Variants in CEP112 observed in about 807,000 individuals in gnomAD.
CEP112 encodes centrosomal protein of 112 kDa.
CEP112 carries 127 observed loss-of-function variants against 153.0 expected under a neutral mutation model. The ratio of observed to expected loss-of-function variants is 0.83; its 90% CI spans 0.72 to 0.96. CEP112 has a LOEUF of 0.96. Among genes scored for constraint, CEP112 ranks in the 40% least tolerant of loss-of-function variants. CEP112 has a pLI of 0.00. For missense variants in CEP112, 1,089 were observed against 1,101.2 expected (o/e 0.99, Z 0.16); for synonymous variants, 358 against 374.4 (o/e 0.96, Z 0.51).
At chr17:66,069,297 AATC>A (rs1454179906) in intron 9 of CEP112, among the ~76,000 whole-genome samples, 3 of 152,048 alleles carry the variant, frequency 2.0e-5, no homozygotes, top group African/African-American at 7.2e-5. Flanking sequence ...TAAATGTTTT[AATC>A]ATTACTAAAA....
chr17:65,667,103 G>A (rs1455155088), intron 24 of CEP112, among the ~76,000 whole-genome samples: 1 of 152,210 alleles, frequency 6.6e-6, no homozygotes, highest in Non-Finnish European at 1.5e-5. Flanking sequence ...TCTCTGGGCT[G>A]TGGTGCTGGT....
chr17:65,753,916 G>A (rs1598474773), intron 21 of CEP112, among the ~76,000 whole-genome samples: 1 of 152,044 alleles, frequency 6.6e-6, no homozygotes, highest in East Asian at 1.9e-4. Context: ...TTTATGGCCA[G>A]CCCCCAAATC....
At chr17:65,653,036 A>G (rs1469048216) in intron 24 of CEP112, among the ~76,000 whole-genome samples, 1 of 152,086 alleles carries the variant, frequency 6.6e-6, no homozygotes, top group African/African-American at 2.4e-5. Flanking sequence ...TCCTCTTTTT[A>G]TAAAGACATT....
chr17:65,949,820 C>T (rs562143158), intron 18 of CEP112, among the ~76,000 whole-genome samples: 1 of 152,244 alleles, frequency 6.6e-6, no homozygotes, highest in South Asian at 2.1e-4. Context: ...CTCATTTTGT[C>T]TGGATAGGGT....
chr17:65,753,412 T>A (rs560568815), intron 21 of CEP112, among the ~76,000 whole-genome samples: 1 of 152,246 alleles, frequency 6.6e-6, no homozygotes, highest in South Asian at 2.1e-4. Context: ...CATAACCATT[T>A]TTTTACGGAC....
At chr17:66,006,760 T>C (rs961016771) in intron 16 of CEP112, among the ~76,000 whole-genome samples, 7 of 152,282 alleles carry the variant, frequency 4.6e-5, no homozygotes, top group Middle Eastern at 3.4e-3. Context: ...TGGCTCTACA[T>C]ACATGGCAAC....
chr17:65,739,717 CA>C (rs1221702399), intron 23 of CEP112, among the ~76,000 whole-genome samples: 2 of 151,592 alleles, frequency 1.3e-5, no homozygotes, highest in Non-Finnish European at 2.9e-5. Flanking sequence ...GCCTGGGCAA[CA>C]GAGCAAGACT....
chr17:66,148,673 T>C (rs144161568), intron 4 of CEP112, among the ~76,000 whole-genome samples: 5,185 of 152,294 alleles, frequency 0.034, 129 homozygotes, highest in Middle Eastern at 0.061. Context: ...TGTTAGCATA[T>C]AAAAATTTAA....
At chr17:65,809,834 G>C (rs1055566416) in intron 21 of CEP112, among the ~76,000 whole-genome samples, 6 of 151,668 alleles carry the variant, frequency 4.0e-5, no homozygotes, top group African/African-American at 1.5e-4. Context: ...AGATGAGTTA[G>C]GGACTGAGTA....
chr17:65,840,850 A>G (rs2057488775), intron 21 of CEP112, among the ~76,000 whole-genome samples: 1 of 152,134 alleles, frequency 6.6e-6, no homozygotes, highest in Non-Finnish European at 1.5e-5. Context: ...TGATCTGAAC[A>G]GACATTTTTC....
chr17:65,914,230 A>G (rs2060390431), intron 19 of CEP112, among the ~76,000 whole-genome samples: 1 of 150,668 alleles, frequency 6.6e-6, no homozygotes, highest in Non-Finnish European at 1.5e-5. Context: ...TCTACAACAC[A>G]TTCAGTTCTC....
chr17:65,775,398 A>G (rs2053619947), intron 21 of CEP112, among the ~76,000 whole-genome samples: 1 of 152,202 alleles, frequency 6.6e-6, no homozygotes. Context: ...ACGGCAGGAA[A>G]GCACAAGCAT....
chr17:65,751,986 CTAT>C (rs2051889488), intron 21 of CEP112, among the ~76,000 whole-genome samples: 2 of 144,482 alleles, frequency 1.4e-5, no homozygotes, highest in Admixed American at 1.4e-4. Flanking sequence ...ATCTATCTAT[CTAT>C]CTATCTATCT....
intron 20 of CEP112, among the ~76,000 whole-genome samples, chr17:65,882,763 G>C (rs1164084112): frequency 6.6e-6 from 1 of 152,192 alleles, no homozygotes; most frequent in Non-Finnish European, 1.5e-5. Context: ...TTTTGTGAGA[G>C]CTCAAAGAGA....
At chr17:65,641,135 A>T in intron 24 of CEP112, 70 bp from the exon 25 acceptor site, 1 of 835,660 alleles carries the variant, frequency 1.2e-6, no homozygotes, top group South Asian at 1.4e-5. Context: ...AAGAAGTCCC[A>T]GAACAGATCT....
intron 21 of CEP112, among the ~76,000 whole-genome samples, chr17:65,757,010 G>T (rs1269752772): frequency 6.6e-6 from 1 of 152,126 alleles, no homozygotes; most frequent in Non-Finnish European, 1.5e-5. Flanking sequence ...TAAGGGTGGG[G>T]CCCTACTCCA....
intron 21 of CEP112, among the ~76,000 whole-genome samples, chr17:65,793,851 T>C (rs2054743946): frequency 6.6e-6 from 1 of 152,242 alleles, no homozygotes; most frequent in African/African-American, 2.4e-5. Context: ...TAATCCTAAC[T>C]TCATTACCTT....
intron 18 of CEP112, among the ~76,000 whole-genome samples, chr17:65,952,500 T>A (rs2061869020): frequency 6.6e-6 from 1 of 152,138 alleles, no homozygotes; most frequent in Admixed American, 6.5e-5. Flanking sequence ...CCACATTTCA[T>A]TTATCCTTTC....
intron 20 of CEP112, among the ~76,000 whole-genome samples, chr17:65,879,630 A>T (rs2058982975): frequency 1.3e-5 from 2 of 152,174 alleles, no homozygotes; most frequent in African/African-American, 2.4e-5. Flanking sequence ...ACCCTGAAGG[A>T]AAGAGATATT....
Sources: allele counts gnomAD v4.1 joint callset (sites outside exome capture counted in the v4.1 genomes callset), GRCh38; gene constraint gnomAD v4.1.1; transcripts MANE v1.5; gene names NCBI Gene and HGNC (gene_info 2026-07-23, HGNC 2026-07-21).